Variants in SYT3 observed in about 807,000 individuals in gnomAD.
SYT3 encodes the protein synaptotagmin-3.
Under a neutral mutation model 50.6 loss-of-function variants are expected in SYT3, and 25 were observed. The observed-to-expected ratio is 0.49, with a 90% CI of 0.36 to 0.69. The LOEUF (loss-of-function observed/expected upper bound fraction) is 0.69, where lower values mean the gene tolerates loss of function less well. Among genes scored for constraint, SYT3 ranks in the 30% least tolerant of loss-of-function variants. SYT3 has a pLI of 0.00. For missense variants in SYT3, 589 were observed against 793.6 expected, an observed-to-expected ratio of 0.74 and a Z score of 3.10; for synonymous variants, 323 against 353.9, an observed-to-expected ratio of 0.91 and a Z score of 0.98.
At chr19:50,644,131 G>T (rs536946719), upstream of SYT3, among the ~76,000 whole-genome samples, 1 of 152,190 alleles carries the variant, frequency 6.6e-6, no homozygotes, top group Non-Finnish European at 1.5e-5. Flanking sequence ...AGTACCTGGC[G>T]CATGGTAGGC....
At chr19:50,653,712 A>G in the SYT3 span, among the ~76,000 whole-genome samples, 2 of 150,968 alleles carry the variant, frequency 1.3e-5, no homozygotes, top group African/African-American at 4.9e-5. Context: ...ACACACACAC[A>G]CACACACACA....
intron 3 of SYT3, among the ~76,000 whole-genome samples, chr19:50,635,214 G>A (rs1984458429): frequency 6.6e-6 from 1 of 152,106 alleles, no homozygotes; most frequent in Non-Finnish European, 1.5e-5. Context: ...GGCCCAGAGT[G>A]CTCCTTTTTA....
At chr19:50,651,036 AT>A in the SYT3 span, among the ~76,000 whole-genome samples, 1 of 152,116 alleles carries the variant, frequency 6.6e-6, no homozygotes, top group Non-Finnish European at 1.5e-5. Context: ...AACCAATCAC[AT>A]TTTTTAGTTG....
the SYT3 span, among the ~76,000 whole-genome samples, chr19:50,651,862 GTTC>G: frequency 5.9e-5 from 9 of 152,006 alleles, no homozygotes; most frequent in South Asian, 2.1e-4. Flanking sequence ...ACTAGAAATA[GTTC>G]TTATTTCTAA....
intron 6 of SYT3, among the ~76,000 whole-genome samples, chr19:50,627,372 G>A (rs1424111879): frequency 2.0e-5 from 3 of 152,184 alleles, no homozygotes; most frequent in Admixed American, 1.3e-4. Flanking sequence ...ACCTGGAGCT[G>A]CCGAGGGCTG....
chr19:50,641,194 T>G (rs1436385041), upstream of SYT3, among the ~76,000 whole-genome samples: 15 of 92,896 alleles, frequency 1.6e-4, no homozygotes, highest in African/African-American at 5.6e-4. Context: ...TTTTTTTTTT[T>G]TGTGAGACAG....
At position 50,625,367 on chromosome 19, in the gene SYT3, AC is replaced by A. The variant is rs1230714182; in HGVS notation, c.1574+25del. 35 of 1,538,658 alleles carry A rather than the reference AC, an allele frequency of 2.3e-5. No homozygotes were observed. Among genetic ancestry groups the A allele is most frequent in the Admixed American group, 4.0e-5 (2 of 49,918 alleles). On this transcript the variant is annotated intron_variant, in intron 8 of 10. Transcript: ENST00000600079. This position sits in a 1 kb window ranked among gnomAD's most constrained non-coding sequence, Gnocchi z 7.5. ...GTCCCCACCCCAGCCCTCCTGCCTGACCCCCGCCCGGGCCGCGCCCCTCACC... is the reference window on the plus strand; with the variant it reads ...GTCCCCACCCCAGCCCTCCTGCCTGACCCCGCCCGGGCCGCGCCCCTCACC...
At chr19:50,636,991 C>A (rs541855376) in intron 3 of SYT3, among the ~76,000 whole-genome samples, 10 of 152,084 alleles carry the variant, frequency 6.6e-5, no homozygotes, top group Non-Finnish European at 1.2e-4. Flanking sequence ...GACTCAAGAG[C>A]CTGACATTTG....
intron 6 of SYT3, among the ~76,000 whole-genome samples, chr19:50,627,212 T>A (rs1056366400): frequency 6.6e-6 from 1 of 152,114 alleles, no homozygotes; most frequent in Admixed American, 6.6e-5. Flanking sequence ...GCCCAGGCTG[T>A]CCCTCTGCCA....
the SYT3 span, among the ~76,000 whole-genome samples, chr19:50,651,033 C>G: frequency 1.4e-4 from 21 of 152,200 alleles, no homozygotes; most frequent in African/African-American, 5.1e-4. Flanking sequence ...TGGAACCAAT[C>G]ACATTTTTTA....
chr19:50,652,205 A>G, the SYT3 span, among the ~76,000 whole-genome samples: 2 of 152,190 alleles, frequency 1.3e-5, no homozygotes, highest in Non-Finnish European at 2.9e-5. Flanking sequence ...TTCCCTAATT[A>G]TCTCAAAATT....
chr19:50,642,798 C>A (rs1270222243), upstream of SYT3, among the ~76,000 whole-genome samples: 1 of 152,122 alleles, frequency 6.6e-6, no homozygotes, highest in Non-Finnish European at 1.5e-5. Context: ...CATGCCATTG[C>A]ACTCCAGCCT....
At chr19:50,642,846 A>G (rs1410562830), upstream of SYT3, among the ~76,000 whole-genome samples, 2 of 152,214 alleles carry the variant, frequency 1.3e-5, no homozygotes, top group East Asian at 1.9e-4. Flanking sequence ...AAAAAAAGAA[A>G]GAAAGAAAAA....
At chr19:50,627,445 G>A (rs1984115266) in intron 6 of SYT3, among the ~76,000 whole-genome samples, 1 of 152,220 alleles carries the variant, frequency 6.6e-6, no homozygotes, top group African/African-American at 2.4e-5. Flanking sequence ...TGAAGGCTGG[G>A]TGCAGTGGCT....
chr19:50,656,287 A>T, the SYT3 span: 1 of 1,536,126 alleles, frequency 6.5e-7, no homozygotes, highest in Non-Finnish European at 8.7e-7. Flanking sequence ...ACTCCCGTGC[A>T]TCCGGAAGTT....
At chr19:50,628,418 A>G (rs529750266) in intron 6 of SYT3, among the ~76,000 whole-genome samples, 50 of 152,176 alleles carry the variant, frequency 3.3e-4, no homozygotes, top group Admixed American at 5.2e-4. Flanking sequence ...GGATGCTGGG[A>G]GAACTGAGGA....
rs1289191090 is a variant in SYT3, at chr19:50,625,997, C to G, written c.1302G>C (p.Glu434Asp). 1 of 1,613,892 alleles carries G rather than the reference C, an allele frequency of 6.2e-7. No individual in the cohort carries two copies. The highest frequency in any genetic ancestry group is 8.5e-7 in the Non-Finnish European group (1 of 1,179,958). ...EGGSEKADLGELNFSLCYLPT... is the reference protein window; with the variant it reads ...EGGSEKADLGDLNFSLCYLPT... ...GGAGGTAGCAGAGTGAGAAGTTGAG[C>G]TCCCCAAGATCTGCTTTTTCCTGCA... The change falls in exon 7 of 11, where the codon GAG becomes GAC. Residue 434 changes from glutamate to aspartate, a missense_variant. This residue lies in a region of SYT3 where 273 missense variants were observed against 439.3 expected (regional missense o/e 0.62). Coordinates refer to ENST00000600079, the MANE Select transcript of SYT3 (RefSeq NM_001160329.2). The surrounding 1 kb of genome is among the most constrained non-coding windows in gnomAD (Gnocchi z 7.5).
chr19:50,648,299 C>A, the SYT3 span, among the ~76,000 whole-genome samples: 1 of 152,158 alleles, frequency 6.6e-6, no homozygotes, highest in Admixed American at 6.5e-5. Flanking sequence ...TTCTTAAGCT[C>A]GCCACTGAAC....
At chr19:50,641,168 ATTTTTTT>A (rs566141853), upstream of SYT3, among the ~76,000 whole-genome samples, 3 of 60,244 alleles carry the variant, frequency 5.0e-5, no homozygotes, top group South Asian at 7.9e-4. Flanking sequence ...GAGCCCAGGA[ATTTTTTT>A]TTTTTTTTTT....
Sources: allele counts gnomAD v4.1 joint callset (sites outside exome capture counted in the v4.1 genomes callset), GRCh38; gene constraint gnomAD v4.1.1; regional missense constraint gnomAD v4.1.1; non-coding constraint Gnocchi (gnomAD v3.1); transcripts MANE v1.5; gene names NCBI Gene and HGNC (gene_info 2026-07-23, HGNC 2026-07-21).